The following EHMT1 variants were observed in gnomAD, a reference collection of about 807,000 sequenced individuals.
The protein encoded by EHMT1 is euchromatic histone lysine methyltransferase 1, also known as histone-lysine N-methyltransferase EHMT1.
In EHMT1, 15 loss-of-function variants were observed where a neutral mutation model predicts 147.2. The observed-to-expected ratio is 0.10, with a 90% CI of 0.07 to 0.16. EHMT1 has a LOEUF of 0.16. Among genes scored for constraint, EHMT1 ranks in the 10% least tolerant of loss-of-function variants. EHMT1 has a pLI of 1.00. For missense variants in EHMT1, 1,587 were observed against 1,772.4 expected, an observed-to-expected ratio of 0.90 and a Z score of 1.88; for synonymous variants, 795 against 709.6, an observed-to-expected ratio of 1.12 and a Z score of -1.91.
intron 10 of EHMT1, among the ~76,000 whole-genome samples, chr9:137,769,444 T>C (rs1265901849): frequency 2.6e-5 from 4 of 152,252 alleles, no homozygotes; most frequent in African/African-American, 7.2e-5. Flanking sequence ...TTCTCTCAGC[T>C]TTTGTTTGTT....
intron 1 of EHMT1, among the ~76,000 whole-genome samples, chr9:137,653,611 C>G (rs1938104331): frequency 6.6e-6 from 1 of 152,118 alleles, no homozygotes; most frequent in South Asian, 2.1e-4. Context: ...TCACTGCAAC[C>G]TCTGCCTCCC....
At chr9:137,819,620 G>A (rs539955315) in intron 25 of EHMT1, among the ~76,000 whole-genome samples, 2 of 128,866 alleles carry the variant, frequency 1.6e-5, no homozygotes, top group African/African-American at 7.6e-5. Context: ...GCCGATTGAG[G>A]GGCGCCGTGT....
At chr9:137,815,752 G>A (rs1954868705) in intron 22 of EHMT1, 195 bp from the exon 23 acceptor site, 2 of 634,610 alleles carry the variant, frequency 3.2e-6, no homozygotes, top group East Asian at 2.9e-5. Flanking sequence ...AACCTGTGTG[G>A]GCATCTGGGT....
intron 10 of EHMT1, among the ~76,000 whole-genome samples, chr9:137,768,490 A>G: frequency 8.0e-6 from 1 of 125,302 alleles, no homozygotes; most frequent in Non-Finnish European, 1.6e-5. Context: ...AGTAGTTGGG[A>G]TTACAGATGT....
chr9:137,668,898 T>G (rs1940044025), intron 1 of EHMT1, among the ~76,000 whole-genome samples: 1 of 152,180 alleles, frequency 6.6e-6, no homozygotes, highest in Admixed American at 6.5e-5. Flanking sequence ...GTTGTTTTCT[T>G]TTTTTGGAGA....
At chr9:137,785,375 C>CCT (rs1951871848) in intron 15 of EHMT1, 1 of 148,116 alleles carries the variant, frequency 6.8e-6, no homozygotes, top group African/African-American at 2.6e-5. Context: ...GCGCTGAGCC[C>CCT]GTGAGGGTGG....
chr9:137,715,103 G>A (rs528183387), intron 2 of EHMT1, among the ~76,000 whole-genome samples: 3 of 152,152 alleles, frequency 2.0e-5, no homozygotes, highest in East Asian at 1.9e-4. Flanking sequence ...TTGTACTCTT[G>A]TGTTTTAGTT....
At chr9:137,627,436 T>A (rs537073498) in intron 1 of EHMT1, among the ~76,000 whole-genome samples, 1 of 151,902 alleles carries the variant, frequency 6.6e-6, no homozygotes, top group East Asian at 1.9e-4. Context: ...ATAATTTTTT[T>A]GTATATTTAG....
chr9:137,631,267 C>T (rs928894091), intron 1 of EHMT1, among the ~76,000 whole-genome samples: 3 of 152,130 alleles, frequency 2.0e-5, no homozygotes, highest in African/African-American at 7.2e-5. Context: ...TGGCGGGCGC[C>T]TGTAATCCCA....
chr9:137,729,091 C>G (rs1946873246), intron 4 of EHMT1, among the ~76,000 whole-genome samples: 1 of 152,122 alleles, frequency 6.6e-6, no homozygotes. Context: ...TGCGTCAGGG[C>G]TCCCTGGGCT....
intron 1 of EHMT1, among the ~76,000 whole-genome samples, chr9:137,704,781 C>A (rs1487914299): frequency 6.6e-6 from 1 of 150,632 alleles, no homozygotes; most frequent in Admixed American, 6.6e-5. Context: ...CCCTCCCTCC[C>A]GCCTGCCTTC....
At chr9:137,662,792 ATTT>A (rs1939218300) in intron 1 of EHMT1, among the ~76,000 whole-genome samples, 1 of 140,834 alleles carries the variant, frequency 7.1e-6, no homozygotes, top group African/African-American at 2.7e-5. Flanking sequence ...TTATTTATTT[ATTT>A]ATTTATTTAT....
chr9:137,755,143 T>G (rs758899032), intron 8 of EHMT1, among the ~76,000 whole-genome samples: 2 of 152,042 alleles, frequency 1.3e-5, no homozygotes, highest in Non-Finnish European at 2.9e-5. Context: ...AGTTTTAACA[T>G]GCTTATGACC....
At chr9:137,798,247 A>G (rs1032393283) in intron 16 of EHMT1, among the ~76,000 whole-genome samples, 5 of 152,130 alleles carry the variant, frequency 3.3e-5, no homozygotes, top group Non-Finnish European at 1.5e-5. Context: ...GAAAGAAAAA[A>G]GTACATTAGC....
At chr9:137,701,130 G>T (rs186148664) in intron 1 of EHMT1, among the ~76,000 whole-genome samples, 1 of 152,022 alleles carries the variant, frequency 6.6e-6, no homozygotes, top group African/African-American at 2.4e-5. Flanking sequence ...GGGAACGTCC[G>T]CCCCCATGAT....
At chr9:137,821,827 C>T (rs1475715216) in intron 25 of EHMT1, among the ~76,000 whole-genome samples, 1 of 152,116 alleles carries the variant, frequency 6.6e-6, no homozygotes, top group African/African-American at 2.4e-5. Context: ...TTTGTTAGAT[C>T]TTTCTTAATT....
chr9:137,660,607 T>G (rs141932784), intron 1 of EHMT1, among the ~76,000 whole-genome samples: 8 of 152,344 alleles, frequency 5.3e-5, no homozygotes, highest in African/African-American at 1.9e-4. Context: ...TGTTCGGATA[T>G]TAATTGGAAT....
chr9:137,818,513 AG>A lies in EHMT1; in HGVS notation c.3540+382del, dbSNP rs775034860. 3.5e-4 allele frequency among the ~76,000 whole-genome samples: 52 copies of A among 148,894 alleles called. No individual in the cohort carries two copies. In the East Asian group the frequency reaches 6.8e-3, roughly 20 times the overall value. On this transcript the variant is annotated intron_variant, in intron 25 of 26. Transcript: ENST00000460843. ...GTGTACCAAGACTGTAGAGAGGCTGAGGGGGGGCGCCATGTACCGAGACTGT... is the reference window on the plus strand; with the variant it reads ...GTGTACCAAGACTGTAGAGAGGCTGAGGGGGGCGCCATGTACCGAGACTGT...
In EHMT1 at chr9:137,686,932, A is replaced by G. The variant is rs574440462; in HGVS notation, c.22-24035A>G. On this transcript the variant is annotated intron_variant, in intron 1 of 26. Transcript: ENST00000460843. ...TTTTTAGTAGAGACGGGGTTTCACC[A>G]TGTAGCCAGGATGGTCTTGATCTCC... Among the ~76,000 whole-genome samples, 19 of 151,890 alleles carry G rather than the reference A, an allele frequency of 1.3e-4. No individual in the cohort carries two copies. The East Asian group carries it at 3.3e-3, about 26-fold the overall frequency.
Sources: allele counts gnomAD v4.1 joint callset (sites outside exome capture counted in the v4.1 genomes callset), GRCh38; gene constraint gnomAD v4.1.1; transcripts MANE v1.5; gene names NCBI Gene and HGNC (gene_info 2026-07-23, HGNC 2026-07-21).